The following DPH6 variants were observed in gnomAD, a reference collection of about 807,000 sequenced individuals.
The protein encoded by DPH6 is diphthamine biosynthesis 6.
DPH6 carries 33 observed loss-of-function variants against 38.2 expected under a neutral mutation model. The observed-to-expected ratio is 0.86, with a 90% CI of 0.65 to 1.15. DPH6 has a LOEUF of 1.15. Ranked by LOEUF, DPH6 falls within the 50% of genes most tolerant of loss-of-function variation. The probability of loss-of-function intolerance (pLI) is 0.00; values close to 1 mark genes in which losing one functional copy is unlikely to be tolerated. For missense variants in DPH6, 325 were observed against 320.0 expected (o/e 1.02, Z -0.12); for synonymous variants, 108 against 103.0 (o/e 1.05, Z -0.30).
At chr15:35,295,506 A>G (rs1314311564) in intron 3 of DPH6, among the ~76,000 whole-genome samples, 1 of 151,996 alleles carries the variant, frequency 6.6e-6, no homozygotes, top group Non-Finnish European at 1.5e-5. Context: ...ACAAACCACT[A>G]CCAGACTACA....
At chr15:35,163,681 A>T in the DPH6 span, among the ~76,000 whole-genome samples, 1,026 of 152,028 alleles carry the variant, frequency 6.7e-3, 17 homozygotes, top group African/African-American at 0.023. Flanking sequence ...TAAATTCGTC[A>T]GCACTTTAAA....
At chr15:35,520,565 A>G (rs1386988179) in intron 3 of DPH6, 2 of 984,838 alleles carry the variant, frequency 2.0e-6, no homozygotes, top group Non-Finnish European at 2.4e-6. Context: ...TAAGACTAGC[A>G]TACACAGCAT....
chr15:35,520,568 C>T, intron 3 of DPH6: 1 of 984,706 alleles, frequency 1.0e-6, no homozygotes. Flanking sequence ...GACTAGCATA[C>T]ACAGCATAAA....
At chr15:35,182,527 C>T in the DPH6 span, among the ~76,000 whole-genome samples, 538 of 151,958 alleles carry the variant, frequency 3.5e-3, 1 homozygote, top group African/African-American at 0.012. Context: ...ACTTACCCAC[C>T]GACAAAATTT....
At chr15:35,300,101 T>C (rs1286957316) in intron 3 of DPH6, among the ~76,000 whole-genome samples, 2 of 152,128 alleles carry the variant, frequency 1.3e-5, no homozygotes, top group African/African-American at 4.8e-5. Context: ...ATCATTTGTT[T>C]TAGGCCACCC....
chr15:35,315,138 T>C (rs1386302789), intron 3 of DPH6, among the ~76,000 whole-genome samples: 1 of 152,160 alleles, frequency 6.6e-6, no homozygotes. Flanking sequence ...CCTGACCTCA[T>C]GTCGCACAAC....
chr15:35,260,265 G>A (rs771490659), intron 3 of DPH6, among the ~76,000 whole-genome samples: 4 of 151,832 alleles, frequency 2.6e-5, no homozygotes, highest in African/African-American at 2.4e-5. Flanking sequence ...CTGCCATCAC[G>A]CCCAGCTAAT....
chr15:35,189,031 T>C, the DPH6 span, among the ~76,000 whole-genome samples: 2,162 of 152,314 alleles, frequency 0.014, 47 homozygotes, highest in African/African-American at 0.05. Context: ...CTGTAAAAGA[T>C]AGAAGCTGAA....
rs543806201 is a variant in DPH6 at position 35,219,233 on chromosome 15, T to C, written n.1550A>G. ...CCATAATTTGTAGGAGCTTCCAGAA[T>C]TACTTTCTGTTTACAATGCATAATA... On this transcript the variant is annotated non_coding_transcript_exon_variant, in exon 4 of 4. Transcript: ENST00000560386. The C allele has an allele frequency of 1.6e-4, 25 of 152,282 alleles. 1 individual carries two copies. Among genetic ancestry groups the C allele is most frequent in the African/African-American group, 4.8e-4 (20 of 41,564 alleles). 9.4% of individuals were successfully genotyped at this position (152,282 alleles called of 1,614,324 possible).
At chr15:35,228,273 G>A (rs897141276) in intron 3 of DPH6, among the ~76,000 whole-genome samples, 2 of 152,158 alleles carry the variant, frequency 1.3e-5, no homozygotes, top group South Asian at 4.1e-4. Flanking sequence ...ATATGTTATT[G>A]TACTGCCCAT....
rs1276545481 is a variant in DPH6, at chr15:35,545,986, T to A, written c.23+133A>T. 7 of 832,550 alleles carry A rather than the reference T, an allele frequency of 8.4e-6. No homozygotes were observed. In the Admixed American group the frequency reaches 3.0e-4, roughly 36 times the overall value. 51.6% of individuals were successfully genotyped at this position (832,550 alleles called of 1,614,324 possible). ...CAACAGCGAAGGCTCCGCCTCTTCC[T>A]GTGGCTCGGAGGAGCCGCGGAACCC... On this transcript the variant is annotated intron_variant, in intron 1 of 8. Coordinates refer to ENST00000256538, the MANE Select transcript of DPH6 (RefSeq NM_080650.4).
chr15:35,501,708 T>C (rs2141197289), intron 3 of DPH6, among the ~76,000 whole-genome samples: 1 of 152,278 alleles, frequency 6.6e-6, no homozygotes, highest in South Asian at 2.1e-4. Flanking sequence ...TTCAGAAACT[T>C]AAAATATGAT....
At chr15:35,356,597 G>A (rs1050002903) in intron 3 of DPH6, among the ~76,000 whole-genome samples, 6 of 152,164 alleles carry the variant, frequency 3.9e-5, no homozygotes, top group South Asian at 2.1e-4. Context: ...GCAGAGCAGC[G>A]GATATTGGTG....
rs2052419626 is a variant in DPH6 at position 35,341,277 on chromosome 15, G to A, written n.208-10200C>T. Among the ~76,000 whole-genome samples the A allele has an allele frequency of 2.0e-5, 3 of 151,952 alleles. 1 individual carries two copies. In the South Asian group the frequency reaches 6.2e-4, roughly 32 times the overall value. On this transcript the variant is annotated intron_variant and non_coding_transcript_variant, in intron 3 of 3. Coordinates refer to the DPH6 transcript ENST00000558973. ...TATTCTGGCTATCAGCTCCTGTACTGTTTTTTCATTATTCTTAGAAATGAA... is the reference window on the plus strand; with the variant it reads ...TATTCTGGCTATCAGCTCCTGTACTATTTTTTCATTATTCTTAGAAATGAA...
At chr15:35,339,563 C>T (rs1417644148) in intron 3 of DPH6, among the ~76,000 whole-genome samples, 1 of 151,998 alleles carries the variant, frequency 6.6e-6, no homozygotes, top group African/African-American at 2.4e-5. Flanking sequence ...AACTTCAGGT[C>T]ATCTGCCTGC....
chr15:35,293,230 C>T (rs1455284197), intron 3 of DPH6, among the ~76,000 whole-genome samples: 2 of 151,982 alleles, frequency 1.3e-5, no homozygotes, highest in Non-Finnish European at 1.5e-5. Context: ...GGACTTTTTC[C>T]AGGAAAAATA....
At chr15:35,483,086 A>G (rs2054348314) in intron 3 of DPH6, among the ~76,000 whole-genome samples, 1 of 152,166 alleles carries the variant, frequency 6.6e-6, no homozygotes, top group Non-Finnish European at 1.5e-5. Flanking sequence ...ATTTCACTAG[A>G]CGCTCCACCA....
At chr15:35,161,164 A>AAAC in the DPH6 span, among the ~76,000 whole-genome samples, 1 of 151,898 alleles carries the variant, frequency 6.6e-6, no homozygotes, top group Non-Finnish European at 1.5e-5. Context: ...ACACAAAACA[A>AAAC]AACAACAACA....
At chr15:35,542,565 A>G in intron 1 of DPH6, 58 bp from the exon 2 acceptor site, 3 of 1,418,822 alleles carry the variant, frequency 2.1e-6, no homozygotes. Flanking sequence ...ATTCAACATA[A>G]AATCACTAGA....
Sources: allele counts gnomAD v4.1 joint callset (sites outside exome capture counted in the v4.1 genomes callset), GRCh38; gene constraint gnomAD v4.1.1; transcripts MANE v1.5; gene names NCBI Gene and HGNC (gene_info 2026-07-23, HGNC 2026-07-21).